The following RBFOX1 variants were observed in gnomAD, a reference collection of about 807,000 sequenced individuals.
The protein encoded by RBFOX1 is RNA binding protein fox-1 homolog 1.
A neutral mutation model predicts 57.7 loss-of-function variants in RBFOX1; 8 were observed. The ratio of observed to expected loss-of-function variants is 0.14; its 90% confidence interval spans 0.08 to 0.25. RBFOX1 has a LOEUF of 0.25. Among genes scored for constraint, RBFOX1 ranks in the 10% least tolerant of loss-of-function variants. RBFOX1 has a pLI of 1.00. For missense variants in RBFOX1, 611 were observed against 548.5 expected, an observed-to-expected ratio of 1.11 and a Z score of -1.14; for synonymous variants, 326 against 222.4, an observed-to-expected ratio of 1.47 and a Z score of -4.15.
intron 3 of RBFOX1, among the ~76,000 whole-genome samples, chr16:6,986,180 C>A (rs371661440): frequency 1.4e-5 from 1 of 72,600 alleles, no homozygotes; most frequent in African/African-American, 7.2e-5. Flanking sequence ...TCACCAATTT[C>A]TATTTTTATT....
intron 4 of RBFOX1, among the ~76,000 whole-genome samples, chr16:7,274,305 G>A (rs528212448): frequency 5.3e-5 from 8 of 152,148 alleles, no homozygotes; most frequent in African/African-American, 9.7e-5. Context: ...AAGGAGGTAC[G>A]CTTTGTTATC....
In RBFOX1 at chr16:6,374,955, G is replaced by A. The variant is rs572394943; in HGVS notation, c.-64+57898G>A. Among the ~76,000 whole-genome samples the A allele has an allele frequency of 2.0e-3, 297 of 152,264 alleles. 1 individual carries two copies. Among genetic ancestry groups the A allele is most frequent in the African/African-American group, 6.4e-3 (268 of 41,556 alleles). ...AACTGGCAGTTTTAAAAATCCATTCGCCTGAGGAAGTGTGAAAACAGTCTG... is the reference window on the plus strand; with the variant it reads ...AACTGGCAGTTTTAAAAATCCATTCACCTGAGGAAGTGTGAAAACAGTCTG... On this transcript the variant is annotated intron_variant, in intron 2 of 15. Coordinates refer to ENST00000550418, the MANE Select transcript of RBFOX1 (RefSeq NM_018723.4).
At chr16:7,224,007 A>G (rs893215850) in intron 4 of RBFOX1, among the ~76,000 whole-genome samples, 4 of 151,906 alleles carry the variant, frequency 2.6e-5, no homozygotes, top group Non-Finnish European at 4.4e-5. Context: ...ACATAAGTAA[A>G]GTACATATTA....
chr16:6,866,240 G>A (rs982548060), intron 3 of RBFOX1, among the ~76,000 whole-genome samples: 2 of 151,758 alleles, frequency 1.3e-5, no homozygotes, highest in East Asian at 1.9e-4. Flanking sequence ...TTAAGGTTCT[G>A]GAAATGTAAA....
chr16:6,286,633 A>G (rs2076931924), intron 1 of RBFOX1, among the ~76,000 whole-genome samples: 1 of 152,148 alleles, frequency 6.6e-6, no homozygotes, highest in Admixed American at 6.5e-5. Context: ...ACTTCTCCAT[A>G]GCCTTGCCTG....
At chr16:7,656,924 C>T (rs975551133) in intron 12 of RBFOX1, among the ~76,000 whole-genome samples, 1 of 152,124 alleles carries the variant, frequency 6.6e-6, no homozygotes, top group Admixed American at 6.5e-5. Context: ...TCCTAAATTG[C>T]CACAGTGAAA....
chr16:5,990,942 CCAG>C (rs1307980449), intron 4 of RBFOX1, among the ~76,000 whole-genome samples: 1 of 152,148 alleles, frequency 6.6e-6, no homozygotes, highest in Non-Finnish European at 1.5e-5. Context: ...CCACTGAACT[CCAG>C]CCTGGGCCAC....
intron 2 of RBFOX1, among the ~76,000 whole-genome samples, chr16:6,522,210 A>G (rs1013645630): frequency 2.0e-5 from 3 of 149,742 alleles, no homozygotes; most frequent in African/African-American, 4.9e-5. Flanking sequence ...AAAAATTAGG[A>G]TGAACATTTT....
chr16:5,778,939 A>G (rs546285203), intron 3 of RBFOX1, among the ~76,000 whole-genome samples: 12 of 151,990 alleles, frequency 7.9e-5, no homozygotes, highest in South Asian at 2.1e-4. Flanking sequence ...AAAGCACTCA[A>G]TTTTTTTTAT....
intron 2 of RBFOX1, among the ~76,000 whole-genome samples, chr16:6,457,438 T>TGCCCCCC (rs757540836): frequency 5.5e-5 from 3 of 54,292 alleles, no homozygotes; most frequent in Non-Finnish European, 7.7e-5. Flanking sequence ...TTTCCGGAAG[T>TGCCCCCC]CCCCCCCCCC....
chr16:5,794,957 C>G (rs1004302783), intron 3 of RBFOX1, among the ~76,000 whole-genome samples: 1 of 152,294 alleles, frequency 6.6e-6, no homozygotes, highest in East Asian at 1.9e-4. Context: ...CACCCACTCT[C>G]ATCTCACTGG....
At chr16:5,620,957 C>G (rs1198074373) in intron 3 of RBFOX1, among the ~76,000 whole-genome samples, 1 of 152,120 alleles carries the variant, frequency 6.6e-6, no homozygotes, top group Non-Finnish European at 1.5e-5. Context: ...TCTCCTGCCT[C>G]AGCCTCCCAA....
intron 3 of RBFOX1, among the ~76,000 whole-genome samples, chr16:6,658,941 TTTTG>T (rs368335698): frequency 6.5e-4 from 89 of 136,384 alleles, no homozygotes; most frequent in East Asian, 2.9e-3. Flanking sequence ...TTTTTGTTTT[TTTTG>T]TTTTTTTTTT....
intron 4 of RBFOX1, among the ~76,000 whole-genome samples, chr16:7,222,196 G>C (rs1316517363): frequency 6.6e-6 from 1 of 152,140 alleles, no homozygotes; most frequent in African/African-American, 2.4e-5. Context: ...GACCACACCA[G>C]AGGGCAGGTG....
intron 4 of RBFOX1, among the ~76,000 whole-genome samples, chr16:7,335,475 T>A (rs2096768660): frequency 6.6e-6 from 1 of 151,978 alleles, no homozygotes; most frequent in South Asian, 2.1e-4. Context: ...CTTTTCAAGG[T>A]CTTTCCAACC....
At position 6,038,531 on chromosome 16, in the gene RBFOX1, G is replaced by T. The variant is rs1342049002; in HGVS notation, c.-127+18539G>T. 2.2e-3 allele frequency: 299 copies of T among 133,958 alleles called. 2 individuals are homozygous for T. Among genetic ancestry groups the T allele is most frequent in the African/African-American group, 8.0e-3 (287 of 35,784 alleles). 8.3% of individuals were successfully genotyped at this position (133,958 alleles called of 1,614,324 possible). The stretch of plus-strand genomic sequence containing the variant: ...CAATATCCATATATATATCCGTGGA[G>T]ATATATATATATATATATATCATCC... On this transcript the variant is annotated intron_variant, in intron 1 of 15. Coordinates refer to ENST00000550418, the MANE Select transcript of RBFOX1 (RefSeq NM_018723.4).
chr16:5,593,685 A>G (rs923305617), intron 2 of RBFOX1, among the ~76,000 whole-genome samples: 1 of 152,162 alleles, frequency 6.6e-6, no homozygotes, highest in African/African-American at 2.4e-5. Context: ...AGAGGCATGA[A>G]TAATCCATCC....
chr16:6,780,387 A>T (rs1567216514), intron 3 of RBFOX1, among the ~76,000 whole-genome samples: 3 of 67,176 alleles, frequency 4.5e-5, no homozygotes, highest in South Asian at 5.8e-4. Flanking sequence ...ATTTATACAT[A>T]TTATATATAT....
intron 3 of RBFOX1, chr16:5,610,795 G>A (rs2047754171): frequency 6.6e-6 from 1 of 152,214 alleles, no homozygotes; most frequent in Non-Finnish European, 1.5e-5. Flanking sequence ...TTGAGCCCAG[G>A]AGATTGAGGC....
Sources: gnomAD v4.1 joint callset for allele counts (sites outside exome capture counted in the v4.1 genomes callset) on GRCh38, gnomAD v4.1.1 for gene constraint, MANE v1.5 for transcripts, NCBI Gene and HGNC (gene_info 2026-07-23, HGNC 2026-07-21) for gene names.